Variants in PPEF2 observed in about 807,000 individuals in gnomAD.
PPEF2 encodes serine/threonine-protein phosphatase with EF-hands 2.
In PPEF2, 84 loss-of-function variants were observed where a neutral mutation model predicts 84.7. The observed-to-expected ratio is 0.99, with a 90% confidence interval of 0.83 to 1.19. The LOEUF (loss-of-function observed/expected upper bound fraction) is 1.19. PPEF2 is among the 50% of genes most tolerant of loss of function. The pLI is 0.00. For missense variants in PPEF2, 924 were observed against 937.5 expected (o/e 0.99, Z 0.19); for synonymous variants, 346 against 345.2 (o/e 1.00, Z -0.03).
intron 2 of PPEF2, among the ~76,000 whole-genome samples, chr4:75,893,545 G>A (rs1016228817): frequency 2.0e-5 from 3 of 152,068 alleles, no homozygotes; most frequent in African/African-American, 7.3e-5. Flanking sequence ...GAAAGGTCCA[G>A]GGCTGGTGCT....
intron 10 of PPEF2, 178 bp downstream of exon 10, chr4:75,882,748 C>G: frequency 1.7e-6 from 1 of 601,710 alleles, no homozygotes. Context: ...ATCTTCCTGT[C>G]TTCTAAAGTG....
At chr4:75,888,860 T>C (rs922911431) in intron 5 of PPEF2, among the ~76,000 whole-genome samples, 7 of 152,258 alleles carry the variant, frequency 4.6e-5, no homozygotes, top group Admixed American at 1.3e-4. Context: ...CTGGTCACCC[T>C]ACTTTGGCCC....
rs963618101 is a variant in PPEF2 at position 75,882,858 on chromosome 4, G to C, written c.933+68C>G. On this transcript the variant is annotated intron_variant, in intron 10 of 16. Coordinates refer to ENST00000286719, the MANE Select transcript of PPEF2 (RefSeq NM_006239.3). Reference sequence around the variant, plus strand: ...TCAGTTGACTGCAGTCAGCATGTAAGATGACATTTATATTGGCAATGAAAC... The same window carrying C: ...TCAGTTGACTGCAGTCAGCATGTAACATGACATTTATATTGGCAATGAAAC... 4 of 1,522,538 alleles carry C rather than the reference G, an allele frequency of 2.6e-6. No homozygotes were observed. The African/African-American group carries it at 5.5e-5, about 21-fold the overall frequency. The allele number at this position is 1,522,538 out of a possible 1,614,324, so 94.3% of individuals were successfully genotyped here. A position where few individuals can be genotyped will look rare whatever the true frequency, so the allele number is the denominator to read the frequency against.
At chr4:75,870,189 C>A (rs1724233914) in intron 13 of PPEF2, among the ~76,000 whole-genome samples, 1 of 152,048 alleles carries the variant, frequency 6.6e-6, no homozygotes, top group South Asian at 2.1e-4. Context: ...TTTGCAGTGA[C>A]AACCCCTAAA....
At chr4:75,868,315 C>CAAAAAAAAAAAAAAAAAAAAAAAAAAAA (rs10646136) in intron 13 of PPEF2, among the ~76,000 whole-genome samples, 2 of 55,702 alleles carry the variant, frequency 3.6e-5, no homozygotes, top group Non-Finnish European at 6.3e-5. Context: ...GACCCTGTCT[C>CAAAAAAAAAAAAAAAAAAAAAAAAAAAA]AAAAAAAAAA....
intron 2 of PPEF2, among the ~76,000 whole-genome samples, chr4:75,894,266 G>GA (rs574440324): frequency 6.6e-6 from 1 of 151,908 alleles, no homozygotes; most frequent in Non-Finnish European, 1.5e-5. Flanking sequence ...TGATTTAAAG[G>GA]AAAAAAATGA....
chr4:75,866,598 G>T, intron 14 of PPEF2: 3 of 502,704 alleles, frequency 6.0e-6, no homozygotes, highest in Non-Finnish European at 7.2e-6. Context: ...GCCAAATATT[G>T]CATAAAAATT....
rs1158055093 is a variant in PPEF2 at position 75,860,826 on chromosome 4, A to G, written c.2103T>C (p.Ala701=). ...CATCTTTGTTGAAATCAATGCTCCG[A>G]GCAAGGTCACAGATGCAGTCATCTG... ...DITDDCICDL[A]RSIDFNKDGH... Residue 701 remains alanine, a synonymous_variant, in exon 17 of 17, where the codon GCT becomes GCC. Coordinates refer to ENST00000286719, the MANE Select transcript of PPEF2 (RefSeq NM_006239.3). The G allele has an allele frequency of 6.2e-7, 1 of 1,614,262 alleles. No individual in the cohort carries two copies. The highest frequency in any genetic ancestry group is 2.2e-5 in the East Asian group (1 of 44,888).
intron 1 of PPEF2, 81 bp from the exon 2 acceptor site, chr4:75,896,464 T>C: frequency 7.2e-6 from 6 of 828,346 alleles, no homozygotes; most frequent in Non-Finnish European, 1.2e-5. Flanking sequence ...CTATGAATCA[T>C]GTGAGAGTAT....
intron 6 of PPEF2, among the ~76,000 whole-genome samples, chr4:75,887,268 A>G (rs936296716): frequency 6.6e-6 from 1 of 152,226 alleles, no homozygotes; most frequent in African/African-American, 2.4e-5. Flanking sequence ...GGAGACTTTT[A>G]AAGCAAAATC....
At chr4:75,867,767 A>G (rs985323887) in intron 13 of PPEF2, among the ~76,000 whole-genome samples, 4 of 152,240 alleles carry the variant, frequency 2.6e-5, no homozygotes, top group African/African-American at 9.6e-5. Flanking sequence ...GATTACAATG[A>G]GTAATTTCAT....
In PPEF2 at chr4:75,890,051, A is replaced by G. The variant is rs769990782; in HGVS notation, c.323T>C (p.Ile108Thr). 16 of 1,613,826 alleles carry G rather than the reference A, an allele frequency of 9.9e-6. No individual in the cohort carries two copies. In the African/African-American group the frequency reaches 1.1e-4, roughly 11 times the overall value. Residue 108 changes from isoleucine to threonine, a missense_variant, in exon 5 of 17, where the codon ATA becomes ACA. Transcript: ENST00000286719. ...EMKKCSDYESIEVPDSYTGPR... is the reference protein window; with the variant it reads ...EMKKCSDYESTEVPDSYTGPR... ...CCCCGTGTAACTGTCGGGTACCTCT[A>G]TGGATTCATAGTCACTGCATTTCTT...
Position 75,872,030 on chromosome 4 carries a change from C to A in PPEF2, c.1644G>T (p.Arg548Ser). Reference protein sequence around the residue: ...ANKVTHTLTMRQRISRVEESA... With the variant: ...ANKVTHTLTMSQRISRVEESA... ...CACTCATTGAAAAGTCTTGCCTTTG[C>A]CTCATGGTGAGTGTGTGGGTCACCT... Residue 548 changes from arginine to serine, a missense_variant, in exon 13 of 17, where the codon AGG (arginine) becomes AGT (serine). By Grantham distance (110) the Arg-to-Ser change is moderately radical. Transcript: ENST00000286719. 1 of 1,589,566 alleles carries A rather than the reference C, an allele frequency of 6.3e-7. No individual in the cohort carries two copies. Among genetic ancestry groups the A allele is most frequent in the Middle Eastern group, 1.7e-4 (1 of 5,946 alleles).
chr4:75,884,312 T>C (rs1973634), intron 8 of PPEF2, among the ~76,000 whole-genome samples: 132,694 of 151,754 alleles, frequency 0.87, 60,167 homozygotes, highest in East Asian at 0.99. Context: ...CCTGTAATCC[T>C]GGCTACTCGG....
At chr4:75,873,821 A>G (rs1724343974) in intron 11 of PPEF2, among the ~76,000 whole-genome samples, 1 of 151,850 alleles carries the variant, frequency 6.6e-6, no homozygotes, top group Non-Finnish European at 1.5e-5. Context: ...CAAATTGCAG[A>G]AGAGGCCAGG....
At chr4:75,862,964 A>G (rs1475226077) in intron 16 of PPEF2, among the ~76,000 whole-genome samples, 1 of 152,248 alleles carries the variant, frequency 6.6e-6, no homozygotes, top group Non-Finnish European at 1.5e-5. Context: ...TTATTCAGTC[A>G]TAAAAAAGGA....
intron 16 of PPEF2, among the ~76,000 whole-genome samples, chr4:75,861,981 A>G (rs1577998738): frequency 6.6e-6 from 1 of 150,706 alleles, no homozygotes; most frequent in East Asian, 2.0e-4. Flanking sequence ...AATAAATTGG[A>G]CTTTTTCAAA....
At chr4:75,883,615 G>A (rs777939561) in intron 8 of PPEF2, 23 of 183,228 alleles carry the variant, frequency 1.3e-4, no homozygotes, top group Non-Finnish European at 1.9e-4. Flanking sequence ...TCAGGAGATC[G>A]AGACCACCCT....
intron 11 of PPEF2, among the ~76,000 whole-genome samples, chr4:75,874,902 CTTTT>C (rs547098807): frequency 7.2e-6 from 1 of 138,084 alleles, no homozygotes. Context: ...TTCTTTCTTT[CTTTT>C]TTTTTTTTTT....
Sources: allele counts gnomAD v4.1 joint callset (sites outside exome capture counted in the v4.1 genomes callset), GRCh38; gene constraint gnomAD v4.1.1; transcripts MANE v1.5; gene names NCBI Gene and HGNC (gene_info 2026-07-23, HGNC 2026-07-21).